The following IRAG2 variants were observed in gnomAD, a reference collection of about 807,000 sequenced individuals.
IRAG2 encodes inositol 1,4,5-triphosphate receptor associated 2, also known as lymphoid restricted membrane protein.
A neutral mutation model predicts 69.9 loss-of-function variants in IRAG2; 45 were observed. The ratio of observed to expected loss-of-function variants is 0.64; its 90% CI spans 0.51 to 0.83. The LOEUF is 0.83. Among genes scored for constraint, IRAG2 ranks in the 40% least tolerant of loss-of-function variants. The probability of loss-of-function intolerance (pLI) is 0.00; values close to 1 mark genes in which losing one functional copy is unlikely to be tolerated. For synonymous variants in IRAG2, 193 were observed against 202.4 expected (o/e 0.95, Z 0.40); for missense variants, 520 against 587.0 (o/e 0.89, Z 1.18).
chr12:25,028,217 G>T (rs11047770), intron 9 of IRAG2, among the ~76,000 whole-genome samples: 45,888 of 152,070 alleles, frequency 0.3, 7,597 homozygotes, highest in Admixed American at 0.46. Context: ...GAACCACCAC[G>T]CCTGGCCTTG....
In IRAG2 at chr12:25,104,392, C is replaced by G; in HGVS notation, c.1078C>G (p.Arg360Gly). 1.9e-6 allele frequency: 3 copies of G among 1,612,830 alleles called. No homozygotes were observed. Among genetic ancestry groups the G allele is most frequent in the Non-Finnish European group, 2.5e-6 (3 of 1,178,970 alleles). The change falls in exon 20 of 22, where the codon CGT becomes GGT. Residue 360 changes from arginine (R) to glycine (G), a missense_variant. By Grantham distance (125) the Arg-to-Gly change is moderately radical. Transcript: ENST00000556887. ...RILGSKQSEH[R>G]PSLPRFISTY... Reference sequence around the variant, plus strand: ...TTTGGGGTCAAAGCAGAGTGAACACCGTCCCTCATTACCTCGATTTATTAG... The same window carrying G: ...TTTGGGGTCAAAGCAGAGTGAACACGGTCCCTCATTACCTCGATTTATTAG...
rs1944656238 is a variant in IRAG2, at chr12:25,029,961, T to G, written c.1462-317T>G. ...AAAAGTGAAGATTCTGAACATTCCCTTATTATGTTAAGTGTGGAATGGTGG... is the reference window on the plus strand; with the variant it reads ...AAAAGTGAAGATTCTGAACATTCCCGTATTATGTTAAGTGTGGAATGGTGG... On this transcript the variant is annotated intron_variant, in intron 9 of 38. Coordinates refer to the IRAG2 transcript ENST00000636465. Among the ~76,000 whole-genome samples the G allele has an allele frequency of 2.0e-5, 3 of 152,218 alleles. No homozygotes were observed. The South Asian group carries it at 6.2e-4, about 32-fold the overall frequency.
At chr12:25,005,178 A>C in intron 1 of IRAG2, 1 of 884,232 alleles carries the variant, frequency 1.1e-6, no homozygotes, top group East Asian at 3.3e-5. Flanking sequence ...CAAAAAAAAA[A>C]AAGGAAAATT....
intron 13 of IRAG2, 53 bp from the exon 14 acceptor site, chr12:25,090,004 A>C: frequency 1.3e-6 from 2 of 1,570,610 alleles, no homozygotes; most frequent in Non-Finnish European, 1.7e-6. Context: ...GAAACATCTG[A>C]CCACATCCGG....
At chr12:25,011,073 G>A (rs751453729) in intron 2 of IRAG2, among the ~76,000 whole-genome samples, 11 of 152,094 alleles carry the variant, frequency 7.2e-5, no homozygotes, top group Non-Finnish European at 1.2e-4. Context: ...TTTAAACCTC[G>A]CAACTCTGTG....
upstream of IRAG2, among the ~76,000 whole-genome samples, chr12:25,047,923 C>A (rs554486185): frequency 5.3e-5 from 8 of 152,160 alleles, no homozygotes; most frequent in African/African-American, 1.9e-4. Flanking sequence ...AATGAACATA[C>A]GCTTGCATGT....
At chr12:25,028,614 T>C (rs1944644043) in intron 9 of IRAG2, among the ~76,000 whole-genome samples, 1 of 152,168 alleles carries the variant, frequency 6.6e-6, no homozygotes, top group South Asian at 2.1e-4. Context: ...ATTTCATACA[T>C]ATTTTTGTTA....
chr12:25,045,726 C>G (rs1396295952), intron 16 of IRAG2, among the ~76,000 whole-genome samples: 1 of 151,462 alleles, frequency 6.6e-6, no homozygotes, highest in East Asian at 1.9e-4. Context: ...GAGATTGTCT[C>G]AGTAATTAAA....
intron 16 of IRAG2, among the ~76,000 whole-genome samples, chr12:25,038,589 TGA>T (rs1944722360): frequency 6.8e-6 from 1 of 147,272 alleles, no homozygotes; most frequent in South Asian, 2.1e-4. Context: ...TTCAGTGAGC[TGA>T]GATTGCACTA....
chr12:25,006,618 A>G (rs531755173), intron 2 of IRAG2, among the ~76,000 whole-genome samples: 1 of 152,364 alleles, frequency 6.6e-6, no homozygotes, highest in African/African-American at 2.4e-5. Flanking sequence ...GAACTAATGC[A>G]GGAACAGAAA....
intron 3 of IRAG2, among the ~76,000 whole-genome samples, chr12:25,012,360 G>T (rs950465191): frequency 2.7e-5 from 4 of 150,302 alleles, no homozygotes; most frequent in African/African-American, 9.8e-5. Flanking sequence ...TCACCATGTT[G>T]TCCAGGCTGG....
chr12:25,060,556 T>TA (rs1565545263), intron 1 of IRAG2, among the ~76,000 whole-genome samples: 2 of 152,154 alleles, frequency 1.3e-5, no homozygotes, highest in African/African-American at 4.8e-5. Context: ...GATCTACTTG[T>TA]AGGATTCTGG....
At position 25,090,299 on chromosome 12, in the gene IRAG2, T is replaced by C. The variant is rs1947949316; in HGVS notation, c.606+102T>C. 5 of 1,088,870 alleles carry C rather than the reference T, an allele frequency of 4.6e-6. No individual in the cohort carries two copies. The Middle Eastern group carries it at 6.8e-4, about 148-fold the overall frequency. The allele number at this position is 1,088,870 out of a possible 1,614,324, so 67.5% of individuals were successfully genotyped here. Reference sequence around the variant, plus strand: ...TTGGGAGGCCAAGGCAGGAGGATCATGGGAGACCAAGGCAGGAGGATCACT... The same window carrying C: ...TTGGGAGGCCAAGGCAGGAGGATCACGGGAGACCAAGGCAGGAGGATCACT... On this transcript the variant is annotated intron_variant, in intron 14 of 21. Coordinates refer to ENST00000556887, the MANE Select transcript of IRAG2 (RefSeq NM_001366544.2).
Position 25,062,877 on chromosome 12 carries a change from C to T in IRAG2, c.-327C>T. 1 of 398,990 alleles carries T rather than the reference C, an allele frequency of 2.5e-6. No homozygotes were observed. The allele number at this position is 398,990 out of a possible 1,614,324, so 24.7% of individuals were successfully genotyped here. ...TTCCCTGTCCTGCGCAGATGCAATT[C>T]AACAACCTCTTCAAGAAAAATTGGT... On this transcript the variant is annotated 5_prime_UTR_variant, in exon 3 of 22. Coordinates refer to ENST00000556887, the MANE Select transcript of IRAG2 (RefSeq NM_001366544.2).
At chr12:25,004,725 C>T in exon 1 of IRAG2, 2 of 1,232,146 alleles carry the variant, frequency 1.6e-6, no homozygotes, top group Non-Finnish European at 2.0e-6. Context: ...CACAGAGCAA[C>T]AAGAATTATA....
At chr12:25,090,379 CAAA>C (rs56280849) in intron 14 of IRAG2, among the ~76,000 whole-genome samples, 182 bp downstream of exon 14, 345 of 143,916 alleles carry the variant, frequency 2.4e-3, no homozygotes, top group Middle Eastern at 3.6e-3. Flanking sequence ...CCATCTCTAC[CAAA>C]AAAAAAAAAA....
intron 16 of IRAG2, among the ~76,000 whole-genome samples, chr12:25,044,254 G>T (rs1184916191): frequency 6.6e-6 from 1 of 151,626 alleles, no homozygotes; most frequent in East Asian, 1.9e-4. Flanking sequence ...TAATGCCAAA[G>T]AACATACCTA....
chr12:25,098,944 T>C (rs1180946312), intron 15 of IRAG2, among the ~76,000 whole-genome samples: 1 of 152,174 alleles, frequency 6.6e-6, no homozygotes. Flanking sequence ...CTGGAAATGC[T>C]TTCCTCACTT....
chr12:25,091,125 G>A (rs149291616), intron 14 of IRAG2: 260 of 170,238 alleles, frequency 1.5e-3, no homozygotes, highest in African/African-American at 6.0e-3. Flanking sequence ...AAAGAATCAC[G>A]TTATTTTTTA....
Sources: gnomAD v4.1 joint callset for allele counts (sites outside exome capture counted in the v4.1 genomes callset) on GRCh38, gnomAD v4.1.1 for gene constraint, MANE v1.5 for transcripts, NCBI Gene and HGNC (gene_info 2026-07-23, HGNC 2026-07-21) for gene names.